HMGCL: variants seen among roughly 807,000 people sequenced by gnomAD.
The protein encoded by HMGCL is 3-hydroxy-3-methylglutaryl-CoA lyase.
In HMGCL, 26 loss-of-function variants were observed where a neutral mutation model predicts 37.3. That is an observed-to-expected ratio of 0.70 (90% confidence interval 0.51 to 0.97). HMGCL has a LOEUF of 0.97. Among genes scored for constraint, HMGCL ranks in the 50% least tolerant of loss-of-function variants. HMGCL has a pLI of 0.00. For missense variants in HMGCL, 379 were observed against 398.1 expected, an observed-to-expected ratio of 0.95 and a Z score of 0.41; for synonymous variants, 151 against 148.0, an observed-to-expected ratio of 1.02 and a Z score of -0.15.
chr1:23,820,651 G>A, intron 1 of HMGCL, 58 bp from the exon 2 acceptor site: 1 of 1,118,150 alleles, frequency 8.9e-7, no homozygotes, highest in Non-Finnish European at 1.4e-6. Context: ...AATTCCCAGG[G>A]AGACCAATAT....
In HMGCL at chr1:23,814,262, G is replaced by C. The variant is rs1277434091; in HGVS notation, c.425C>G (p.Ser142Cys). The C allele has an allele frequency of 1.2e-6, 2 of 1,614,056 alleles. No individual in the cohort carries two copies. The highest frequency in any genetic ancestry group is 1.7e-6 in the Non-Finnish European group (2 of 1,180,004). ...AAACCTCTGAAAACTCTCCTCTATG[G>C]AACAATTGATGTTCTTCTTGGTGAA... ...ELFTKKNINCSIEESFQRFDA... is the reference protein window; with the variant it reads ...ELFTKKNINCCIEESFQRFDA... The change falls in exon 5 of 9, where the codon TCC becomes TGC. Residue 142 changes from serine to cysteine, a missense_variant. Ser to Cys is a moderately radical substitution (Grantham distance 112). Coordinates refer to ENST00000374490, the MANE Select transcript of HMGCL (RefSeq NM_000191.3).
chr1:23,820,655 C>T, intron 1 of HMGCL, 62 bp from the exon 2 acceptor site: 2 of 1,078,144 alleles, frequency 1.9e-6, no homozygotes, highest in South Asian at 1.2e-5. Context: ...CCCAGGGAGA[C>T]CAATATGAAA....
intron 1 of HMGCL, among the ~76,000 whole-genome samples, chr1:23,824,043 G>A (rs1466005534): frequency 6.6e-6 from 1 of 152,112 alleles, no homozygotes; most frequent in East Asian, 1.9e-4. Flanking sequence ...CGTTCGTTCG[G>A]TCCACAGTCT....
rs1409716731 is a variant in HMGCL, at chr1:23,825,388, GC to G, written c.27del (p.Arg10GlyfsTer24). 11 of 1,561,418 alleles carry G rather than the reference GC, an allele frequency of 7.0e-6. No individual in the cohort carries two copies. Among genetic ancestry groups the G allele is most frequent in the Non-Finnish European group, 9.5e-6 (11 of 1,153,516 alleles). Reference protein sequence around the residue: MAAMRKALPRRLVGLASLR... With the variant: MAAMRKALXRRLVGLASLR... ...AGGGACGCCAAGCCCACCAGTCGCCGCGGAAGCGCCTTCCTCATTGCTGCCA... is the reference window on the plus strand; with the variant it reads ...AGGGACGCCAAGCCCACCAGTCGCCGGGAAGCGCCTTCCTCATTGCTGCCA... On this transcript the variant is annotated frameshift_variant, in exon 1 of 9. Transcript: ENST00000374490. LOFTEE classifies it high-confidence loss of function.
At chr1:23,810,666 AC>A (rs1638503125) in intron 6 of HMGCL, 69 bp downstream of exon 6, 1 of 1,301,496 alleles carries the variant, frequency 7.7e-7, no homozygotes, top group African/African-American at 1.5e-5. Context: ...GGGGAGAGGA[AC>A]CTATGCGCTC....
intron 1 of HMGCL, among the ~76,000 whole-genome samples, chr1:23,823,949 CTCA>C: frequency 4.1e-5 from 1 of 24,672 alleles, no homozygotes; most frequent in African/African-American, 1.8e-4. Flanking sequence ...TGGGGAGTTA[CTCA>C]CTGAGGCAAT....
intron 5 of HMGCL, among the ~76,000 whole-genome samples, chr1:23,813,328 A>G (rs1426508846): frequency 7.4e-6 from 1 of 135,092 alleles, no homozygotes; most frequent in African/African-American, 2.8e-5. Flanking sequence ...TCCGCCTCCC[A>G]GATTCAAGTG....
chr1:23,808,218 G>A lies in HMGCL; in HGVS notation c.667C>T (p.Gln223Ter). Residue 223 changes from glutamine to a stop codon, truncating the protein, a stop_gained, in exon 7 of 9, where the codon CAG becomes TAG. Coordinates refer to ENST00000374490, the MANE Select transcript of HMGCL (RefSeq NM_000191.3). LOFTEE classifies it high-confidence loss of function. ...GCCAGGGCAGCCAGAGGCACTTCCTGCATGACAGCAGATAGCATGTCTTTC... is the reference window on the plus strand; with the variant it reads ...GCCAGGGCAGCCAGAGGCACTTCCTACATGACAGCAGATAGCATGTCTTTC... The part of the protein sequence containing the change: ...IMKDMLSAVM[Q>*]EVPLAALAVH... The A allele has an allele frequency of 6.2e-7, 1 of 1,614,012 alleles. No individual in the cohort carries two copies. The highest frequency in any genetic ancestry group is 8.5e-7 in the Non-Finnish European group (1 of 1,179,956).
intron 3 of HMGCL, among the ~76,000 whole-genome samples, chr1:23,816,972 CA>C (rs1351208943): frequency 6.6e-6 from 1 of 152,174 alleles, no homozygotes; most frequent in Non-Finnish European, 1.5e-5. Flanking sequence ...GCTGAGATCC[CA>C]ATTTCTCCAT....
Position 23,803,403 on chromosome 1 carries a change from T to C in HMGCL, c.877-839A>G, listed in dbSNP as rs1055113094. Among the ~76,000 whole-genome samples the C allele has an allele frequency of 3.9e-5, 6 of 152,370 alleles. No homozygotes were observed. In the South Asian group the frequency reaches 8.3e-4, roughly 21 times the overall value. On this transcript the variant is annotated intron_variant, in intron 8 of 8. Transcript: ENST00000374490. ...TTTTAGTAGAGATGGGGTTTCACCA[T>C]GTCGGCCAAGCTGGTCTCGAACTCC...
At position 23,806,956 on chromosome 1, in the gene HMGCL, C is replaced by A. The variant is rs1189841772; in HGVS notation, c.750+1179G>T. ...GTCTAAGTCAGCACTTAACCTGGCACATCGATCCATATTTCCGAAGTAACT... is the reference window on the plus strand; with the variant it reads ...GTCTAAGTCAGCACTTAACCTGGCAAATCGATCCATATTTCCGAAGTAACT... On this transcript the variant is annotated intron_variant, in intron 7 of 8. Coordinates refer to ENST00000374490, the MANE Select transcript of HMGCL (RefSeq NM_000191.3). This position sits in a 1 kb window ranked among gnomAD's most constrained non-coding sequence, Gnocchi z 4.0. 2 of 518,714 alleles carry A rather than the reference C, an allele frequency of 3.9e-6. No homozygotes were observed. The highest frequency in any genetic ancestry group is 1.9e-5 in the African/African-American group (1 of 51,966). The allele number at this position is 518,714 out of a possible 1,614,324, so 32.1% of individuals were successfully genotyped here.
chr1:23,814,466 G>A (rs984263857), intron 4 of HMGCL, 128 bp from the exon 5 acceptor site: 1 of 1,043,472 alleles, frequency 9.6e-7, no homozygotes, highest in Non-Finnish European at 1.4e-6. Flanking sequence ...CACCTCCTGG[G>A]TTCAAGCGAT....
At chr1:23,817,253 C>T (rs1638628661) in intron 3 of HMGCL, among the ~76,000 whole-genome samples, 2 of 152,178 alleles carry the variant, frequency 1.3e-5, no homozygotes, top group African/African-American at 4.8e-5. Flanking sequence ...GAGGGGAAGG[C>T]CTTAGCAATG....
intron 1 of HMGCL, among the ~76,000 whole-genome samples, chr1:23,821,185 T>C (rs1418769114): frequency 6.6e-6 from 1 of 150,986 alleles, no homozygotes; most frequent in African/African-American, 2.4e-5. Context: ...TGAAACCCCA[T>C]CTCTACTAAA....
At position 23,802,575 on chromosome 1, in the gene HMGCL, CA is replaced by C. The variant is rs1167436802; in HGVS notation, c.877-12del. 1 of 1,579,140 alleles carries C rather than the reference CA, an allele frequency of 6.3e-7. No individual in the cohort carries two copies. Among genetic ancestry groups the C allele is most frequent in the South Asian group, 1.1e-5 (1 of 90,360 alleles). On this transcript the variant is annotated splice_polypyrimidine_tract_variant and intron_variant, in intron 8 of 8. Transcript: ENST00000374490. ...CTGGAGATTCACACCCTTTGAGAAACAAGTTAGAGGATGCGGTAAGTCATGG... is the reference window on the plus strand; with the variant it reads ...CTGGAGATTCACACCCTTTGAGAAACAGTTAGAGGATGCGGTAAGTCATGG...
chr1:23,817,425 C>T, intron 3 of HMGCL, 51 bp downstream of exon 3: 2 of 1,123,690 alleles, frequency 1.8e-6, no homozygotes, highest in Non-Finnish European at 2.7e-6. Context: ...AAGGCAAATG[C>T]AAAACTTTTC....
At chr1:23,816,275 T>A (rs1638612312) in intron 4 of HMGCL, 1 of 309,550 alleles carries the variant, frequency 3.2e-6, no homozygotes. Flanking sequence ...AAGATGTTCT[T>A]GTCTAAAATT....
At chr1:23,818,076 T>TA (rs1187160927) in intron 2 of HMGCL, among the ~76,000 whole-genome samples, 1 of 152,222 alleles carries the variant, frequency 6.6e-6, no homozygotes, top group East Asian at 1.9e-4. Context: ...GGAATCCTCC[T>TA]AAAATGCAGC....
intron 5 of HMGCL, among the ~76,000 whole-genome samples, chr1:23,812,157 C>T (rs931850047): frequency 6.6e-5 from 10 of 151,578 alleles, no homozygotes; most frequent in African/African-American, 1.5e-4. Flanking sequence ...ATGGAGTGCA[C>T]GGTCTAGTGG....
Sources: gnomAD v4.1 joint callset for allele counts (sites outside exome capture counted in the v4.1 genomes callset) on GRCh38, gnomAD v4.1.1 for gene constraint, Gnocchi (gnomAD v3.1) non-coding constraint, MANE v1.5 for transcripts, NCBI Gene and HGNC (gene_info 2026-07-23, HGNC 2026-07-21) for gene names.